CDH18: variants seen among roughly 807,000 people sequenced by gnomAD.
The protein encoded by CDH18 is cadherin 18.
CDH18 carries 31 observed loss-of-function variants against 67.9 expected under a neutral mutation model. The observed-to-expected ratio is 0.46, with a 90% CI of 0.34 to 0.62. The LOEUF (loss-of-function observed/expected upper bound fraction) is 0.62. Among genes scored for constraint, CDH18 ranks in the 20% least tolerant of loss-of-function variants. The pLI is 0.01. For synonymous variants in CDH18, 362 were observed against 347.2 expected, an observed-to-expected ratio of 1.04 and a Z score of -0.48; for missense variants, 890 against 975.5, an observed-to-expected ratio of 0.91 and a Z score of 1.17.
At chr5:20,366,872 T>C (rs894794376) in intron 1 of CDH18, among the ~76,000 whole-genome samples, 12 of 152,268 alleles carry the variant, frequency 7.9e-5, no homozygotes, top group East Asian at 3.9e-4. Context: ...CCCGGGATGA[T>C]TGGGACCCAA....
chr5:19,876,471 C>T (rs1346602808), intron 2 of CDH18, among the ~76,000 whole-genome samples: 1 of 152,080 alleles, frequency 6.6e-6, no homozygotes, highest in Non-Finnish European at 1.5e-5. Context: ...ATCACTGTCT[C>T]ATCCCCAGGA....
chr5:19,689,393 T>G (rs1314131106), intron 5 of CDH18, among the ~76,000 whole-genome samples: 2 of 151,076 alleles, frequency 1.3e-5, no homozygotes, highest in Non-Finnish European at 3.0e-5. Context: ...AAAAGAAAAT[T>G]AAAAAAAAAT....
At chr5:20,551,916 T>C (rs1757654913) in intron 1 of CDH18, among the ~76,000 whole-genome samples, 1 of 152,116 alleles carries the variant, frequency 6.6e-6, no homozygotes. Context: ...AGCTTATAAC[T>C]TCTTTTTTAA....
At chr5:20,300,727 C>T (rs979940464) in intron 1 of CDH18, among the ~76,000 whole-genome samples, 10 of 152,214 alleles carry the variant, frequency 6.6e-5, no homozygotes, top group African/African-American at 2.4e-4. Flanking sequence ...TTGAACTGCT[C>T]CTTGCTAAAT....
At chr5:19,953,890 TTTAA>T (rs1291612307) in intron 2 of CDH18, among the ~76,000 whole-genome samples, 2 of 152,046 alleles carry the variant, frequency 1.3e-5, no homozygotes, top group Non-Finnish European at 2.9e-5. Context: ...AGAAAAAAGA[TTTAA>T]TTAAGCTAGT....
rs1560990945 is a variant in CDH18, at chr5:19,667,490, T to TA, written c.643+53856_643+53857insT. On this transcript the variant is annotated intron_variant, in intron 5 of 12. Coordinates refer to ENST00000382275, the MANE Select transcript of CDH18 (RefSeq NM_004934.5). ...CTTATAATCACAATGAATATATATGTTATATATATATATATATACACACAC... is the reference window on the plus strand; with the variant it reads ...CTTATAATCACAATGAATATATATGTATATATATATATATATATACACACAC... Among the ~76,000 whole-genome samples the TA allele has an allele frequency of 3.1e-5, 4 of 130,474 alleles. No homozygotes were observed. The East Asian group carries it at 9.6e-4, about 31-fold the overall frequency. The allele number at this position is 130,474 out of a possible 152,430, so 85.6% of individuals were successfully genotyped here. A position where few individuals can be genotyped will look rare whatever the true frequency, so the allele number is the denominator to read the frequency against.
intron 1 of CDH18, among the ~76,000 whole-genome samples, chr5:20,272,225 G>C (rs188564879): frequency 1.1e-4 from 16 of 152,188 alleles, no homozygotes; most frequent in South Asian, 2.1e-4. Context: ...GAGTCACAGA[G>C]AGACACATTA....
intron 5 of CDH18, among the ~76,000 whole-genome samples, chr5:19,639,358 G>C (rs1168414649): frequency 6.6e-6 from 1 of 152,142 alleles, no homozygotes; most frequent in Admixed American, 6.5e-5. Flanking sequence ...AAACAAAGAG[G>C]AAGAGTAGAG....
intron 2 of CDH18, among the ~76,000 whole-genome samples, chr5:20,245,727 T>C (rs1743323983): frequency 6.6e-6 from 1 of 152,044 alleles, no homozygotes; most frequent in African/African-American, 2.4e-5. Flanking sequence ...AAAACACGCA[T>C]ATAATGCACA....
At chr5:19,553,485 G>A (rs1473403708) in intron 8 of CDH18, among the ~76,000 whole-genome samples, 1 of 151,680 alleles carries the variant, frequency 6.6e-6, no homozygotes, top group East Asian at 1.9e-4. Flanking sequence ...AATATTTGCA[G>A]GTACAAGACA....
At chr5:20,088,612 A>G (rs985896722) in intron 2 of CDH18, among the ~76,000 whole-genome samples, 5 of 152,160 alleles carry the variant, frequency 3.3e-5, no homozygotes, top group Non-Finnish European at 7.4e-5. Flanking sequence ...GGACAAGAGG[A>G]AAAAATCAGG....
chr5:19,474,958 G>C (rs946058014), intron 12 of CDH18, among the ~76,000 whole-genome samples: 6 of 151,928 alleles, frequency 3.9e-5, no homozygotes, highest in African/African-American at 1.5e-4. Flanking sequence ...TTTGTTATAG[G>C]CTGTGTTACT....
intron 1 of CDH18, among the ~76,000 whole-genome samples, chr5:20,397,418 CA>C (rs549149402): frequency 1.6e-3 from 249 of 152,252 alleles, no homozygotes; most frequent in South Asian, 5.4e-3. Flanking sequence ...AGGCATGAGA[CA>C]CCGTGCCCGG....
chr5:19,969,698 G>T (rs1333330704), intron 2 of CDH18, among the ~76,000 whole-genome samples: 1 of 144,192 alleles, frequency 6.9e-6, no homozygotes, highest in East Asian at 2.1e-4. Flanking sequence ...CTGTTGTGTG[G>T]TGGGGGGAGC....
At chr5:20,319,128 T>A in intron 1 of CDH18, among the ~76,000 whole-genome samples, 1 of 152,198 alleles carries the variant, frequency 6.6e-6, no homozygotes, top group Admixed American at 6.5e-5. Context: ...AACCACCATA[T>A]TGACTTCATC....
At chr5:19,847,025 T>C (rs1233838559) in intron 2 of CDH18, among the ~76,000 whole-genome samples, 1 of 152,106 alleles carries the variant, frequency 6.6e-6, no homozygotes, top group Non-Finnish European at 1.5e-5. Flanking sequence ...TTCTCTTTCA[T>C]GTGATGAGTC....
At chr5:19,546,646 C>A (rs1050803895) in intron 8 of CDH18, among the ~76,000 whole-genome samples, 1 of 152,058 alleles carries the variant, frequency 6.6e-6, no homozygotes, top group East Asian at 1.9e-4. Flanking sequence ...ACAACCAACC[C>A]CATGCCTCTC....
intron 2 of CDH18, among the ~76,000 whole-genome samples, chr5:19,973,818 T>A (rs984673151): frequency 2.6e-4 from 31 of 118,740 alleles, no homozygotes; most frequent in Middle Eastern, 6.0e-3. Flanking sequence ...GAAGGCTAGA[T>A]GAGAATATAA....
rs190028170 is a variant in CDH18, at chr5:20,382,287, T to A, written c.-579-126782A>T. ...GCATTTTTCTTAACATTTATTTATA[T>A]AAATACTGAGACTTTACATTGGAAA... On this transcript the variant is annotated intron_variant, in intron 1 of 14. Coordinates refer to the CDH18 transcript ENST00000507958. Among the ~76,000 whole-genome samples the A allele has an allele frequency of 9.2e-4, 140 of 152,328 alleles. 1 individual carries two copies. The highest frequency in any genetic ancestry group is 3.2e-3 in the African/African-American group (135 of 41,588).
Sources: allele counts gnomAD v4.1 joint callset (sites outside exome capture counted in the v4.1 genomes callset), GRCh38; gene constraint gnomAD v4.1.1; transcripts MANE v1.5; gene names NCBI Gene and HGNC (gene_info 2026-07-23, HGNC 2026-07-21).